The following EZH2 variants were observed in gnomAD, a reference collection of about 807,000 sequenced individuals.
The protein encoded by EZH2 is histone-lysine N-methyltransferase EZH2.
EZH2 carries 18 observed loss-of-function variants against 98.4 expected under a neutral mutation model. The ratio of observed to expected loss-of-function variants is 0.18; its 90% confidence interval spans 0.13 to 0.27. The LOEUF is 0.27. Among genes scored for constraint, EZH2 ranks in the 10% least tolerant of loss-of-function variants. EZH2 has a pLI of 1.00. For synonymous variants in EZH2, 338 were observed against 312.3 expected, an observed-to-expected ratio of 1.08 and a Z score of -0.87; for missense variants, 470 against 935.1, an observed-to-expected ratio of 0.50 and a Z score of 6.49.
chr7:148,819,735 ACT>A lies in EZH2; in HGVS notation c.908-50_908-49del, dbSNP rs776688500. ...AATCTAATATAACTATAAAATACTT[ACT>A]TTTTCACTCTTCCAGTTCCACTGGA... On this transcript the variant is annotated intron_variant, in intron 8 of 19. Transcript: ENST00000320356. 7 of 1,510,404 alleles carry A rather than the reference ACT, an allele frequency of 4.6e-6. No individual in the cohort carries two copies. The Admixed American group carries it at 5.2e-5, about 11-fold the overall frequency. The allele number at this position is 1,510,404 out of a possible 1,614,324, so 93.6% of individuals were successfully genotyped here. A position where few individuals can be genotyped will look rare whatever the true frequency, so the allele number is the denominator to read the frequency against.
intron 1 of EZH2, among the ~76,000 whole-genome samples, chr7:148,851,924 C>G (rs1044147556): frequency 9.9e-5 from 15 of 152,092 alleles, no homozygotes; most frequent in Non-Finnish European, 1.5e-4. Context: ...TTGGCAGAAG[C>G]CTTTATTTAA....
rs1162280467 is a variant in EZH2, at chr7:148,873,491, CAAAAAAAAAA to C, written c.-8+10663_-8+10672del. Among the ~76,000 whole-genome samples, 23 of 58,528 alleles carry C rather than the reference CAAAAAAAAAA, an allele frequency of 3.9e-4. No individual in the cohort carries two copies. The Admixed American group carries it at 4.1e-3, about 10-fold the overall frequency. 38.4% of individuals were successfully genotyped at this position (58,528 alleles called of 152,430 possible). On this transcript the variant is annotated intron_variant, in intron 1 of 19. Coordinates refer to ENST00000320356, the MANE Select transcript of EZH2 (RefSeq NM_004456.5). ...TGGGTGACAGAGTGAGACTCTGTCT[CAAAAAAAAAA>C]AAAAAAAAAGAAAGATCATTGTAAG...
chr7:148,809,205 G>T (rs765859601), intron 18 of EZH2, 50 bp from the exon 19 acceptor site: 1 of 1,589,428 alleles, frequency 6.3e-7, no homozygotes, highest in Non-Finnish European at 8.6e-7. Flanking sequence ...GGCCACGGGG[G>T]GTTAACTGAC....
chr7:148,819,432 C>T (rs926446210), intron 9 of EZH2, among the ~76,000 whole-genome samples, 164 bp downstream of exon 9: 8 of 152,158 alleles, frequency 5.3e-5, no homozygotes, highest in South Asian at 2.1e-4. Flanking sequence ...CTAAAATGTG[C>T]AGTACATGAG....
intron 3 of EZH2, among the ~76,000 whole-genome samples, chr7:148,841,005 T>C (rs1812285626): frequency 6.6e-6 from 1 of 152,140 alleles, no homozygotes; most frequent in African/African-American, 2.4e-5. Context: ...TACAATATTC[T>C]AGGAGAAAAA....
intron 2 of EZH2, among the ~76,000 whole-genome samples, 156 bp downstream of exon 2, chr7:148,847,026 A>C (rs540091856): frequency 6.6e-6 from 1 of 152,314 alleles, no homozygotes; most frequent in South Asian, 2.1e-4. Flanking sequence ...GTATAATGTT[A>C]AGACAGATCA....
intron 9 of EZH2, chr7:148,819,170 A>T (rs1805330102): frequency 2.4e-6 from 1 of 415,310 alleles, no homozygotes; most frequent in African/African-American, 2.1e-5. Context: ...AAAAAAAAAA[A>T]ATCTGTGGAA....
intron 6 of EZH2, among the ~76,000 whole-genome samples, chr7:148,827,502 A>C (rs1015703625): frequency 2.6e-5 from 4 of 152,176 alleles, no homozygotes; most frequent in African/African-American, 9.7e-5. Context: ...CAGAAAACCT[A>C]GGTTCTACTC....
chr7:148,819,545 G>A (rs892740543), intron 9 of EZH2, 51 bp downstream of exon 9: 5 of 1,473,504 alleles, frequency 3.4e-6, no homozygotes, highest in East Asian at 2.3e-5. Context: ...CTCCACCAAA[G>A]TGCAAAGTCC....
At chr7:148,843,613 T>C (rs1813115919) in intron 3 of EZH2, among the ~76,000 whole-genome samples, 1 of 54,196 alleles carries the variant, frequency 1.8e-5, no homozygotes, top group Non-Finnish European at 3.3e-5. Flanking sequence ...TTTTTTTTTT[T>C]GAGACAGCGT....
intron 1 of EZH2, among the ~76,000 whole-genome samples, chr7:148,880,767 A>C (rs1176698600): frequency 6.6e-6 from 1 of 152,232 alleles, no homozygotes; most frequent in Non-Finnish European, 1.5e-5. Context: ...ATATTTCCTT[A>C]ATTCATTCAA....
intron 14 of EZH2, among the ~76,000 whole-genome samples, 187 bp downstream of exon 14, chr7:148,814,727 A>G (rs1415038330): frequency 6.6e-6 from 1 of 152,126 alleles, no homozygotes; most frequent in Non-Finnish European, 1.5e-5. Context: ...CAGACACACA[A>G]CACCCAGGCG....
intron 9 of EZH2, chr7:148,819,012 A>C: frequency 2.2e-6 from 1 of 455,934 alleles, no homozygotes; most frequent in South Asian, 1.6e-5. Context: ...TCTTCTGTCC[A>C]AAATCCAACA....
At chr7:148,875,439 T>C (rs1404023916) in intron 1 of EZH2, among the ~76,000 whole-genome samples, 2 of 152,176 alleles carry the variant, frequency 1.3e-5, no homozygotes, top group Non-Finnish European at 2.9e-5. Flanking sequence ...ACAATCCAAT[T>C]TTTTAAAGGG....
At chr7:148,872,202 T>C (rs929607393) in intron 1 of EZH2, among the ~76,000 whole-genome samples, 1 of 152,162 alleles carries the variant, frequency 6.6e-6, no homozygotes, top group African/African-American at 2.4e-5. Context: ...AGAACCTCAA[T>C]GACATTATGC....
intron 1 of EZH2, among the ~76,000 whole-genome samples, chr7:148,854,107 T>A (rs1314950634): frequency 6.6e-6 from 1 of 152,092 alleles, no homozygotes; most frequent in Non-Finnish European, 1.5e-5. Flanking sequence ...ACTGAATAAT[T>A]TGAAAAAAGT....
intron 4 of EZH2, among the ~76,000 whole-genome samples, chr7:148,831,363 G>A (rs1324061334): frequency 6.6e-6 from 1 of 151,840 alleles, no homozygotes; most frequent in African/African-American, 2.4e-5. Flanking sequence ...TAAACTAGGG[G>A]TTGATTTCTT....
rs41277434 is a variant in EZH2 at position 148,809,304 on chromosome 7, A to C, written c.2110+6T>G. The C allele has an allele frequency of 0.057, 91,026 of 1,600,172 alleles. 3,257 individuals carry two copies. The highest frequency in any genetic ancestry group is 0.16 in the Admixed American group (9,370 of 59,848). ...GAGTTCCAATTCTCACGTCAAAGGT[A>C]CCTACCTTTTGCATAGCAGTTTGGA... On this transcript the variant is annotated splice_donor_region_variant and intron_variant, in intron 18 of 19. Coordinates refer to ENST00000320356, the MANE Select transcript of EZH2 (RefSeq NM_004456.5).
In EZH2 at chr7:148,816,878, G is replaced by A. The variant is rs766884911; in HGVS notation, c.1411-100C>T. The stretch of plus-strand genomic sequence containing the variant: ...AGAAAAATGTCTTTGTCTCTTCTGT[G>A]ACACTGCTAGATGCTGGGGATATAA... On this transcript the variant is annotated intron_variant, in intron 11 of 19. Coordinates refer to ENST00000320356, the MANE Select transcript of EZH2 (RefSeq NM_004456.5). The A allele has an allele frequency of 1.8e-4, 146 of 815,410 alleles. 1 individual carries two copies. Among genetic ancestry groups the A allele is most frequent in the Non-Finnish European group, 2.8e-4 (131 of 474,296 alleles). The allele number at this position is 815,410 out of a possible 1,614,324, so 50.5% of individuals were successfully genotyped here.
Sources: gnomAD v4.1 joint callset for allele counts (sites outside exome capture counted in the v4.1 genomes callset) on GRCh38, gnomAD v4.1.1 for gene constraint, MANE v1.5 for transcripts, NCBI Gene and HGNC (gene_info 2026-07-23, HGNC 2026-07-21) for gene names.